HFM1: variants seen among roughly 807,000 people sequenced by gnomAD.
HFM1 encodes the protein probable ATP-dependent DNA helicase HFM1.
Under a neutral mutation model 192.1 loss-of-function variants are expected in HFM1, and 169 were observed. That is an observed-to-expected ratio of 0.88 (90% CI 0.78 to 1.00). The LOEUF is 1.00. Among genes scored for constraint, HFM1 ranks in the 50% least tolerant of loss-of-function variants. The probability of loss-of-function intolerance (pLI) is 0.00; values close to 1 mark genes in which losing one functional copy is unlikely to be tolerated. For missense variants in HFM1, 1,661 were observed against 1,668.0 expected, an observed-to-expected ratio of 1.00 and a Z score of 0.07; for synonymous variants, 525 against 537.8, an observed-to-expected ratio of 0.98 and a Z score of 0.33.
At chr1:91,407,531 A>G (rs1234622330), upstream of HFM1, among the ~76,000 whole-genome samples, 2 of 152,212 alleles carry the variant, frequency 1.3e-5, no homozygotes, top group African/African-American at 4.8e-5. Flanking sequence ...TTCACTTAGC[A>G]TAATGTTTTC....
chr1:91,307,867 C>T (rs776181228), intron 30 of HFM1, among the ~76,000 whole-genome samples: 25 of 151,600 alleles, frequency 1.6e-4, no homozygotes, highest in Non-Finnish European at 1.5e-4. Context: ...TTTCTTTTTT[C>T]ACTTTCATCA....
At chr1:91,312,573 T>C (rs1330412338) in intron 30 of HFM1, among the ~76,000 whole-genome samples, 1 of 152,234 alleles carries the variant, frequency 6.6e-6, no homozygotes, top group Non-Finnish European at 1.5e-5. Flanking sequence ...ACCCCCATTA[T>C]ATCTAGGAAG....
At chr1:91,345,299 A>T (rs1341626144) in intron 19 of HFM1, among the ~76,000 whole-genome samples, 1 of 152,184 alleles carries the variant, frequency 6.6e-6, no homozygotes, top group Admixed American at 6.5e-5. Context: ...AAAGTGTGCA[A>T]AGGACTTGAT....
rs1322147080 is a variant in HFM1 at position 91,309,038 on chromosome 1, TC to T, written c.3391+4310del. ...AGCACTGGCCTACCACAAAACTATA[TC>T]CTACCCAGAAATGGAAGCTCTTTTG... On this transcript the variant is annotated intron_variant, in intron 30 of 38. Transcript: ENST00000370425. 1.1e-4 allele frequency among the ~76,000 whole-genome samples: 16 copies of T among 152,332 alleles called. No individual in the cohort carries two copies. In the East Asian group the frequency reaches 1.9e-3, roughly 18 times the overall value.
chr1:91,390,726 T>C (rs947070595), intron 4 of HFM1, among the ~76,000 whole-genome samples: 1 of 152,126 alleles, frequency 6.6e-6, no homozygotes, highest in African/African-American at 2.4e-5. Context: ...ACCACTCCTA[T>C]TCAACATAGT....
intron 30 of HFM1, 148 bp from the exon 31 acceptor site, chr1:91,277,210 A>C (rs1666909347): frequency 4.3e-6 from 2 of 460,684 alleles, no homozygotes; most frequent in Non-Finnish European, 7.5e-6. Context: ...TAATCCACGT[A>C]ATTTTTTTTT....
At chr1:91,303,979 TG>T (rs890182347) in intron 30 of HFM1, among the ~76,000 whole-genome samples, 3 of 152,034 alleles carry the variant, frequency 2.0e-5, no homozygotes, top group Non-Finnish European at 4.4e-5. Context: ...CACTCAATCC[TG>T]AGTAGGTGGG....
Position 91,370,543 on chromosome 1 carries a change from C to T in HFM1, c.1685+4815G>A, listed in dbSNP as rs1660040128. Among the ~76,000 whole-genome samples the T allele has an allele frequency of 3.9e-5, 6 of 152,138 alleles. No homozygotes were observed. In the South Asian group the frequency reaches 1.2e-3, roughly 32 times the overall value. ...AGGCCTTTGACAAAATTCAACAACC[C>T]TTCATGCTAAAAACTCTCAATAAAT... On this transcript the variant is annotated intron_variant, in intron 13 of 38. Coordinates refer to ENST00000370425, the MANE Select transcript of HFM1 (RefSeq NM_001017975.6).
intron 13 of HFM1, among the ~76,000 whole-genome samples, chr1:91,368,088 G>A (rs1436777145): frequency 3.3e-5 from 5 of 152,294 alleles, no homozygotes; most frequent in African/African-American, 1.2e-4. Flanking sequence ...CAAGAAATAT[G>A]GGACTATGTG....
chr1:91,329,092 G>A, intron 20 of HFM1: 1 of 1,609,972 alleles, frequency 6.2e-7, no homozygotes, highest in East Asian at 2.2e-5. Context: ...AAGAGTATCT[G>A]GAGTATTGGG....
At chr1:91,292,858 T>C (rs1057486739) in intron 30 of HFM1, among the ~76,000 whole-genome samples, 12 of 152,166 alleles carry the variant, frequency 7.9e-5, no homozygotes, top group Non-Finnish European at 1.5e-4. Context: ...AACAGAGATA[T>C]AGATCAATGG....
In HFM1 at chr1:91,394,281, ATCC is replaced by A. The variant is rs771112853; in HGVS notation, c.303_305del (p.Gln101_Asp102delinsHis). ...TACCTACCCCTTCTAAATTTAGATC[ATCC>A]TGTTCATATTTATCAGAAGGAAAGG... On this transcript the variant is annotated inframe_deletion, in exon 4 of 39. Transcript: ENST00000370425. The A allele has an allele frequency of 1.9e-6, 3 of 1,595,094 alleles. No individual in the cohort carries two copies. The South Asian group carries it at 3.3e-5, about 18-fold the overall frequency.
chr1:91,357,116 T>A (rs1296745555), intron 13 of HFM1, among the ~76,000 whole-genome samples: 4 of 152,194 alleles, frequency 2.6e-5, no homozygotes, highest in Non-Finnish European at 5.9e-5. Flanking sequence ...GAGGCTACTA[T>A]CACGTTGATA....
Position 91,267,805 on chromosome 1 carries a change from C to A in HFM1, c.3823G>T (p.Asp1275Tyr). 6.3e-7 allele frequency: 1 copy of A among 1,581,552 alleles called. No homozygotes were observed. Among genetic ancestry groups the A allele is most frequent in the South Asian group, 1.2e-5 (1 of 84,730 alleles). Reference protein sequence around the residue: ...ELGNEVWDDFDDENLEVTSFS... With the variant: ...ELGNEVWDDFYDENLEVTSFS... Reference sequence around the variant, plus strand: ...CTAGTAACTTCTAAGTTTTCATCATCAAAATCATCCCAAACTTCATTTCCC... The same window carrying A: ...CTAGTAACTTCTAAGTTTTCATCATAAAAATCATCCCAAACTTCATTTCCC... Residue 1275 changes from aspartate (D) to tyrosine (Y), a missense_variant, in exon 35 of 39, where the codon GAT becomes TAT. Physicochemically the swap from Asp to Tyr is radical, Grantham distance 160. Transcript: ENST00000370425.
At position 91,262,546 on chromosome 1, in the gene HFM1, C is replaced by G. The variant is rs1665268841; in HGVS notation, c.4021G>C (p.Ala1341Pro). The change falls in exon 37 of 39, where the codon GCT becomes CCT. Residue 1341 changes from alanine (A) to proline (P), a missense_variant. Ala to Pro is a conservative substitution (Grantham distance 27). Coordinates refer to ENST00000370425, the MANE Select transcript of HFM1 (RefSeq NM_001017975.6). ...GAGGATGCACTGAACTTGGGCATAGCAGAATTTGATAAAGAAATATCCGAC... is the reference window on the plus strand; with the variant it reads ...GAGGATGCACTGAACTTGGGCATAGGAGAATTTGATAAAGAAATATCCGAC... ...EMSDISLSNS[A>P]MPKFSASSMT... is the part of the protein sequence containing the mutation. 2 of 1,606,710 alleles carry G rather than the reference C, an allele frequency of 1.2e-6. No homozygotes were observed. The highest frequency in any genetic ancestry group is 1.7e-6 in the Non-Finnish European group (2 of 1,175,388).
At chr1:91,287,639 A>G (rs1430726522) in intron 30 of HFM1, among the ~76,000 whole-genome samples, 1 of 152,212 alleles carries the variant, frequency 6.6e-6, no homozygotes, top group African/African-American at 2.4e-5. Flanking sequence ...GTTCCTCACC[A>G]GCAACAGAAC....
chr1:91,286,240 G>C (rs776588072), intron 30 of HFM1, among the ~76,000 whole-genome samples: 1 of 152,158 alleles, frequency 6.6e-6, no homozygotes, highest in Non-Finnish European at 1.5e-5. Context: ...TAGTATATTA[G>C]TTTTCTAGGG....
rs575850802 is a variant in HFM1, at chr1:91,290,622, G to A, written c.3392-13560C>T. 1.5e-4 allele frequency among the ~76,000 whole-genome samples: 23 copies of A among 152,234 alleles called. No individual in the cohort carries two copies. The East Asian group carries it at 4.4e-3, about 29-fold the overall frequency. On this transcript the variant is annotated intron_variant, in intron 30 of 38. Coordinates refer to ENST00000370425, the MANE Select transcript of HFM1 (RefSeq NM_001017975.6). The stretch of plus-strand genomic sequence containing the variant: ...TAATAGGAGACTTTAACACCCCACT[G>A]TCAACATTACACAGATCAACGAGAC...
At chr1:91,263,959 T>G (rs1037155269) in intron 36 of HFM1, among the ~76,000 whole-genome samples, 3 of 152,326 alleles carry the variant, frequency 2.0e-5, no homozygotes, top group South Asian at 2.1e-4. Context: ...TCCTTATGAT[T>G]TACCTACTTT....
Sources: gnomAD v4.1 joint callset for allele counts (sites outside exome capture counted in the v4.1 genomes callset) on GRCh38, gnomAD v4.1.1 for gene constraint, MANE v1.5 for transcripts, NCBI Gene and HGNC (gene_info 2026-07-23, HGNC 2026-07-21) for gene names.